MLLT10: variants seen among roughly 807,000 people sequenced by gnomAD.
MLLT10 encodes the protein protein AF-10.
MLLT10 carries 30 observed loss-of-function variants against 129.1 expected under a neutral mutation model. The observed-to-expected ratio is 0.23, with a 90% confidence interval of 0.17 to 0.32. The LOEUF (loss-of-function observed/expected upper bound fraction) is 0.32, where lower values mean the gene tolerates loss of function less well. MLLT10 is among the 10% of genes least tolerant of loss of function. The pLI, the probability that MLLT10 is intolerant of heterozygous loss-of-function variation, is 1.00. For synonymous variants in MLLT10, 490 were observed against 446.4 expected, an observed-to-expected ratio of 1.10 and a Z score of -1.23; for missense variants, 1,119 against 1,268.3, an observed-to-expected ratio of 0.88 and a Z score of 1.79.
chr10:21,602,471 T>C (rs1234179807), intron 5 of MLLT10, among the ~76,000 whole-genome samples: 2 of 152,228 alleles, frequency 1.3e-5, no homozygotes, highest in Non-Finnish European at 2.9e-5. Context: ...ATCTTTTGTA[T>C]ATACCACCTC....
intron 6 of MLLT10, 126 bp from the exon 7 acceptor site, chr10:21,614,705 T>C: frequency 1.5e-6 from 1 of 675,194 alleles, no homozygotes; most frequent in Admixed American, 3.5e-5. Context: ...TTTTATTTTC[T>C]CATTTTTTTC....
intron 13 of MLLT10, among the ~76,000 whole-genome samples, chr10:21,708,238 G>A (rs993226595): frequency 5.3e-5 from 8 of 152,182 alleles, no homozygotes; most frequent in African/African-American, 1.4e-4. Flanking sequence ...CCTCTGTACC[G>A]TTCTGCAGCT....
At chr10:21,619,974 G>A (rs1157106319) in intron 8 of MLLT10, among the ~76,000 whole-genome samples, 1 of 148,846 alleles carries the variant, frequency 6.7e-6, no homozygotes, top group Non-Finnish European at 1.5e-5. Context: ...GTGTCGCCCA[G>A]GCTGGAGTGC....
At chr10:21,536,448 T>G (rs550079775) in intron 2 of MLLT10, among the ~76,000 whole-genome samples, 4 of 152,364 alleles carry the variant, frequency 2.6e-5, no homozygotes, top group African/African-American at 9.6e-5. Flanking sequence ...ATAGAAAATT[T>G]TTATTCAAAT....
At chr10:21,582,569 TC>T (rs1183417713) in intron 3 of MLLT10, among the ~76,000 whole-genome samples, 2 of 152,210 alleles carry the variant, frequency 1.3e-5, no homozygotes, top group Admixed American at 1.3e-4. Context: ...AGAATGTTTC[TC>T]CCATGGATAA....
chr10:21,627,485 A>G (rs2046573199), intron 8 of MLLT10, among the ~76,000 whole-genome samples: 1 of 152,206 alleles, frequency 6.6e-6, no homozygotes, highest in South Asian at 2.1e-4. Flanking sequence ...CAAGATCACA[A>G]GTTGCATTTA....
Position 21,670,614 on chromosome 10 carries a change from T to G in MLLT10, c.961T>G (p.Ser321Ala), listed in dbSNP as rs1430190389. 6.2e-7 allele frequency: 1 copy of G among 1,614,198 alleles called. No individual in the cohort carries two copies. The highest frequency in any genetic ancestry group is 1.7e-5 in the Admixed American group (1 of 60,026). The change falls in exon 10 of 23, where the codon TCA (serine) becomes GCA (alanine). Residue 321 changes from serine (S) to alanine (A), a missense_variant. By Grantham distance (99) the Ser-to-Ala change is moderately conservative (BLOSUM62 1). Transcript: ENST00000307729. Reference sequence around the variant, plus strand: ...GTCAGAGGGCAAAGGGAAGAAATCTTCAGCTCACAGCTCAGGTCAAAGGGG... The same window carrying G: ...GTCAGAGGGCAAAGGGAAGAAATCTGCAGCTCACAGCTCAGGTCAAAGGGG... The part of the protein sequence containing the change: ...RGSEGKGKKS[S>A]AHSSGQRGRK...
At chr10:21,713,625 GT>G in intron 13 of MLLT10, 146 bp from the exon 14 acceptor site, 1 of 617,628 alleles carries the variant, frequency 1.6e-6, no homozygotes, top group East Asian at 3.1e-5. Flanking sequence ...TATTTGTTTA[GT>G]TACTAGCACA....
At chr10:21,639,688 G>A (rs1364582236) in intron 8 of MLLT10, among the ~76,000 whole-genome samples, 1 of 152,058 alleles carries the variant, frequency 6.6e-6, no homozygotes, top group African/African-American at 2.4e-5. Flanking sequence ...AATAGACTGA[G>A]TAGGGAAACC....
chr10:21,556,234 A>G (rs539392929), intron 3 of MLLT10, among the ~76,000 whole-genome samples: 7 of 152,156 alleles, frequency 4.6e-5, no homozygotes, highest in African/African-American at 1.7e-4. Context: ...AAGTGCTGGG[A>G]TTACAGGTGT....
At position 21,673,715 on chromosome 10, in the gene MLLT10, C is replaced by A. The variant is rs567664949; in HGVS notation, c.1417C>A (p.Gln473Lys). Residue 473 changes from glutamine to lysine, a missense_variant, in exon 11 of 23, where the codon CAA (glutamine) becomes AAA (lysine). By Grantham distance (53) the Gln-to-Lys change is moderately conservative. Coordinates refer to ENST00000307729, the MANE Select transcript of MLLT10 (RefSeq NM_001195626.3). ...VKEKKRKGNK[Q>K]SKHGPGRPKG... ...GGAAAAGAAAAGGAAAGGAAATAAA[C>A]AAAGTAAGCATGGGCCTGGCAGACC... 1 of 1,613,990 alleles carries A rather than the reference C, an allele frequency of 6.2e-7. No individual in the cohort carries two copies. The highest frequency in any genetic ancestry group is 1.3e-5 in the African/African-American group (1 of 75,012).
At position 21,670,597 on chromosome 10, in the gene MLLT10, G is replaced by T; in HGVS notation, c.944G>T (p.Gly315Val). 1 of 1,614,204 alleles carries T rather than the reference G, an allele frequency of 6.2e-7. No homozygotes were observed. The highest frequency in any genetic ancestry group is 8.5e-7 in the Non-Finnish European group (1 of 1,180,032). Residue 315 changes from glycine to valine, a missense_variant, in exon 10 of 23, where the codon GGC (glycine) becomes GTC (valine). Gly to Val is a moderately radical substitution (Grantham distance 109, BLOSUM62 -3). Transcript: ENST00000307729. ...KDVSETRGSE[G>V]KGKKSSAHSS... ...GTTTCAGAGACTAGAGGGTCAGAGG[G>T]CAAAGGGAAGAAATCTTCAGCTCAC...
chr10:21,739,976 C>G (rs761167622), intron 21 of MLLT10, 54 bp from the exon 22 acceptor site: 460 of 1,410,002 alleles, frequency 3.3e-4, no homozygotes, highest in Non-Finnish European at 4.3e-4. Flanking sequence ...GCTCATCTGA[C>G]TGCTGAATTC....
In MLLT10 at chr10:21,618,821, T is replaced by C. The variant is rs191508457; in HGVS notation, c.699+1614T>C. Among the ~76,000 whole-genome samples, 4 of 151,928 alleles carry C rather than the reference T, an allele frequency of 2.6e-5. No individual in the cohort carries two copies. In the East Asian group the frequency reaches 7.8e-4, roughly 30 times the overall value. Reference sequence around the variant, plus strand: ...GATCTCGTGTTATTGCAACCTCTGCTTCCCGGGTTCAAGTGATTGTCGTGC... The same window carrying C: ...GATCTCGTGTTATTGCAACCTCTGCCTCCCGGGTTCAAGTGATTGTCGTGC... On this transcript the variant is annotated intron_variant, in intron 8 of 22. Coordinates refer to ENST00000307729, the MANE Select transcript of MLLT10 (RefSeq NM_001195626.3).
intron 3 of MLLT10, among the ~76,000 whole-genome samples, chr10:21,552,581 G>A (rs1325908892): frequency 2.0e-5 from 3 of 150,692 alleles, no homozygotes; most frequent in African/African-American, 4.9e-5. Flanking sequence ...TAATAGAGAC[G>A]GGGCTTTACC....
intron 6 of MLLT10, among the ~76,000 whole-genome samples, chr10:21,612,665 G>A (rs1320052547): frequency 6.6e-6 from 1 of 152,106 alleles, no homozygotes; most frequent in African/African-American, 2.4e-5. Flanking sequence ...TGGTTCTGAT[G>A]TTTTATTCTC....
intron 9 of MLLT10, among the ~76,000 whole-genome samples, chr10:21,664,631 T>C (rs889790892): frequency 2.0e-5 from 3 of 152,124 alleles, no homozygotes; most frequent in African/African-American, 7.2e-5. Context: ...TGTAGTTGTG[T>C]GGAGTTTTTC....
chr10:21,551,789 T>A, intron 3 of MLLT10: 2 of 421,646 alleles, frequency 4.7e-6, no homozygotes, highest in Non-Finnish European at 9.3e-6. Flanking sequence ...TAATAGTTTC[T>A]GTCTCTCTCT....
chr10:21,659,313 T>C (rs2049930009), intron 9 of MLLT10, among the ~76,000 whole-genome samples: 1 of 152,160 alleles, frequency 6.6e-6, no homozygotes, highest in South Asian at 2.1e-4. Context: ...AACTGGCTTC[T>C]TATCACAACT....
Sources: gnomAD v4.1 joint callset for allele counts (sites outside exome capture counted in the v4.1 genomes callset) on GRCh38, gnomAD v4.1.1 for gene constraint, MANE v1.5 for transcripts, NCBI Gene and HGNC (gene_info 2026-07-23, HGNC 2026-07-21) for gene names.